MAGED1: variants seen among roughly 807,000 people sequenced by gnomAD.
MAGED1 encodes the protein melanoma-associated antigen D1.
In MAGED1, 3 loss-of-function variants were observed where a neutral mutation model predicts 54.1. The observed-to-expected ratio is 0.06, with a 90% confidence interval of 0.03 to 0.14. The LOEUF (loss-of-function observed/expected upper bound fraction) is 0.14. Among genes scored for constraint, MAGED1 ranks in the 10% least tolerant of loss-of-function variants. MAGED1 has a pLI of 1.00. For synonymous variants in MAGED1, 217 were observed against 227.3 expected (o/e 0.95, Z 0.41); for missense variants, 485 against 623.4 (o/e 0.78, Z 2.36).
At chrX:51,814,710 T>C (rs782590525) in intron 1 of MAGED1, among the ~76,000 whole-genome samples, 6 of 111,453 alleles carry the variant, frequency 5.4e-5, no homozygotes, top group African/African-American at 2.0e-4. Flanking sequence ...ATGTCATAGC[T>C]GTTGTAACAT....
chrX:51,854,044 T>C (rs1369763749), intron 1 of MAGED1, among the ~76,000 whole-genome samples: 1 of 111,964 alleles, frequency 8.9e-6, no homozygotes, highest in African/African-American at 3.2e-5. Flanking sequence ...CTGGAACTTC[T>C]TTCTTTTAGG....
chrX:51,818,497 GGCTACCT>G (rs1303826125), intron 1 of MAGED1, among the ~76,000 whole-genome samples: 4 of 111,846 alleles, frequency 3.6e-5, no homozygotes, highest in Non-Finnish European at 7.5e-5. Context: ...CAGACCCTGT[GGCTACCT>G]GCAGAGCCCC....
intron 1 of MAGED1, among the ~76,000 whole-genome samples, chrX:51,836,414 G>T (rs986163052): frequency 9.0e-6 from 1 of 110,990 alleles, no homozygotes; most frequent in African/African-American, 3.3e-5. Context: ...TGGAACCAGG[G>T]TGGTGCTCAG....
intron 1 of MAGED1, among the ~76,000 whole-genome samples, chrX:51,840,732 AT>A (rs1389723840): frequency 9.2e-6 from 1 of 109,250 alleles, no homozygotes; most frequent in Non-Finnish European, 1.9e-5. Flanking sequence ...ATGATTTCCA[AT>A]TTCATCCATG....
chrX:51,835,562 T>A (rs1323844118), intron 1 of MAGED1, among the ~76,000 whole-genome samples: 3 of 111,724 alleles, frequency 2.7e-5, no homozygotes, highest in Non-Finnish European at 5.6e-5. Context: ...TTGTTTTTCC[T>A]GGATTGTTTC....
intron 11 of MAGED1, among the ~76,000 whole-genome samples, chrX:51,900,914 G>A (rs782443448): frequency 2.7e-5 from 3 of 112,554 alleles, no homozygotes; most frequent in Non-Finnish European, 5.6e-5. Flanking sequence ...GATTACAGGC[G>A]TGAGCCACCG....
At chrX:51,859,368 A>G (rs186614088) in intron 1 of MAGED1, among the ~76,000 whole-genome samples, 128 of 111,808 alleles carry the variant, frequency 1.1e-3, no homozygotes, top group African/African-American at 3.9e-3. Flanking sequence ...ACTTTAGATT[A>G]TGGGGCTTCT....
intron 1 of MAGED1, among the ~76,000 whole-genome samples, chrX:51,842,313 A>G (rs1378941870): frequency 8.9e-6 from 1 of 112,049 alleles, no homozygotes; most frequent in African/African-American, 3.3e-5. Context: ...TAGTAGGAAA[A>G]GCTTTATTTT....
chrX:51,813,762 C>T (rs1316806939), intron 1 of MAGED1, among the ~76,000 whole-genome samples: 1 of 111,244 alleles, frequency 9.0e-6, no homozygotes. Flanking sequence ...GAGTATCTTT[C>T]CTTAATTGCT....
intron 1 of MAGED1, among the ~76,000 whole-genome samples, chrX:51,821,107 A>C (rs531246709): frequency 3.6e-5 from 4 of 111,966 alleles, no homozygotes; most frequent in Admixed American, 2.9e-4. Flanking sequence ...TAGAACTACA[A>C]TTGATTTTTG....
intron 1 of MAGED1, among the ~76,000 whole-genome samples, chrX:51,845,155 GCAGGAGAATCGCTTGAACC>G (rs1243017388): frequency 9.0e-6 from 1 of 111,052 alleles, no homozygotes; most frequent in Non-Finnish European, 1.9e-5. Flanking sequence ...TCGCTTGAAC[GCAGGAGAATCGCTTGAACC>G]CAGGAGGCGG....
At chrX:51,845,215 C>T (rs531660372) in intron 1 of MAGED1, among the ~76,000 whole-genome samples, 1 of 111,627 alleles carries the variant, frequency 9.0e-6, no homozygotes, top group East Asian at 2.8e-4. Context: ...CACACCACTG[C>T]ACTCCAGCCT....
At chrX:51,896,222 C>T (rs1928743376) in intron 3 of MAGED1, 187 bp from the exon 4 acceptor site, 2 of 450,444 alleles carry the variant, frequency 4.4e-6, no homozygotes, top group Admixed American at 8.1e-5. Flanking sequence ...TTGGGTTGCT[C>T]CTGGCCTGGC....
At chrX:51,894,240 T>C in intron 1 of MAGED1, 29 bp from the exon 2 acceptor site, 1 of 926,243 alleles carries the variant, frequency 1.1e-6, no homozygotes, top group Admixed American at 2.6e-5. Flanking sequence ...TTGCCCTCTG[T>C]AGTATAACGC....
At chrX:51,826,110 C>T (rs893506835) in intron 1 of MAGED1, among the ~76,000 whole-genome samples, 12 of 112,449 alleles carry the variant, frequency 1.1e-4, no homozygotes, top group African/African-American at 3.9e-4. Context: ...GCTGAAATGC[C>T]GCAGACTCTC....
intron 1 of MAGED1, among the ~76,000 whole-genome samples, chrX:51,839,260 T>C (rs1926367696): frequency 8.9e-6 from 1 of 112,076 alleles, no homozygotes. Flanking sequence ...GTCTCACTGC[T>C]TCTCCTTTTC....
chrX:51,820,190 T>G (rs1925570818), intron 1 of MAGED1, among the ~76,000 whole-genome samples: 2 of 111,926 alleles, frequency 1.8e-5, no homozygotes, highest in African/African-American at 6.5e-5. Flanking sequence ...TGTAGTAAGT[T>G]TTGATATTGG....
At chrX:51,890,125 T>A (rs782050412), upstream of MAGED1, among the ~76,000 whole-genome samples, 71 of 111,997 alleles carry the variant, frequency 6.3e-4, no homozygotes, top group Non-Finnish European at 1.1e-3. Flanking sequence ...ACTGAATAAC[T>A]AAGGTCAACC....
intron 1 of MAGED1, among the ~76,000 whole-genome samples, chrX:51,818,111 C>T (rs923908816): frequency 3.6e-5 from 4 of 111,754 alleles, no homozygotes; most frequent in Non-Finnish European, 7.5e-5. Context: ...GAGGTTTTAG[C>T]AACTTCCTCA....
Sources: gnomAD v4.1 joint callset for allele counts (sites outside exome capture counted in the v4.1 genomes callset) on GRCh38, gnomAD v4.1.1 for gene constraint, MANE v1.5 for transcripts, NCBI Gene and HGNC (gene_info 2026-07-23, HGNC 2026-07-21) for gene names.